The following OPCML variants were observed in gnomAD, a reference collection of about 807,000 sequenced individuals.
OPCML encodes opioid-binding protein/cell adhesion molecule.
Under a neutral mutation model 37.8 loss-of-function variants are expected in OPCML, and 13 were observed. That is an observed-to-expected ratio of 0.34 (90% confidence interval 0.22 to 0.55). The LOEUF is 0.55. Among genes scored for constraint, OPCML ranks in the 20% least tolerant of loss-of-function variants. The pLI is 0.91. For synonymous variants in OPCML, 176 were observed against 168.8 expected, an observed-to-expected ratio of 1.04 and a Z score of -0.33; for missense variants, 341 against 435.6, an observed-to-expected ratio of 0.78 and a Z score of 1.93.
chr11:132,564,823 C>A (rs561218986), intron 3 of OPCML, among the ~76,000 whole-genome samples: 2 of 152,228 alleles, frequency 1.3e-5, no homozygotes, highest in African/African-American at 4.8e-5. Flanking sequence ...GGAGACTGGA[C>A]AAAGTCAACG....
chr11:133,275,360 C>T (rs1941963794), intron 1 of OPCML, among the ~76,000 whole-genome samples: 1 of 152,126 alleles, frequency 6.6e-6, no homozygotes, highest in Non-Finnish European at 1.5e-5. Flanking sequence ...GTGTCTACTT[C>T]TTCTCATCAT....
chr11:133,072,749 G>A (rs1948557943), intron 1 of OPCML, among the ~76,000 whole-genome samples: 2 of 152,240 alleles, frequency 1.3e-5, no homozygotes, highest in Non-Finnish European at 2.9e-5. Flanking sequence ...AGGTGTCCTG[G>A]TGGGCTTGGA....
intron 2 of OPCML, among the ~76,000 whole-genome samples, chr11:132,727,231 G>A (rs952205291): frequency 2.6e-5 from 4 of 151,810 alleles, no homozygotes; most frequent in East Asian, 1.9e-4. Flanking sequence ...CTGAGGTCAC[G>A]TGGTTAGGTA....
intron 1 of OPCML, among the ~76,000 whole-genome samples, chr11:133,192,076 A>C (rs1165470240): frequency 6.6e-6 from 1 of 152,190 alleles, no homozygotes; most frequent in East Asian, 1.9e-4. Flanking sequence ...GTGCAGGGTA[A>C]ATGCTCAATA....
In OPCML at chr11:132,942,798, C is replaced by T. The variant is rs1945625489; in HGVS notation, c.146+128G>A. 2.5e-5 allele frequency: 30 copies of T among 1,202,544 alleles called. 1 individual carries two copies. The South Asian group carries it at 3.8e-4, about 15-fold the overall frequency. 74.5% of individuals were successfully genotyped at this position (1,202,544 alleles called of 1,614,324 possible). On this transcript the variant is annotated intron_variant, in intron 2 of 7. Transcript: ENST00000524381. The stretch of plus-strand genomic sequence containing the variant: ...GTCGGCACGGCAGCACGCAAGCGGG[C>T]GCCCCTCGGGCCTGCACAAGGCCCA...
In OPCML at chr11:133,208,463, G is replaced by A. The variant is rs1327919621; in HGVS notation, c.62-265453C>T. ...CAGAGTAAATCATTAAATTTCTCTT[G>A]ATCTCTCAATTTTTGCATGAATAGA... On this transcript the variant is annotated intron_variant, in intron 1 of 7. Transcript: ENST00000524381. This position sits in a 1 kb window ranked among gnomAD's most constrained non-coding sequence, Gnocchi z 8.9. 1.3e-5 allele frequency among the ~76,000 whole-genome samples: 2 copies of A among 152,100 alleles called. No homozygotes were observed. Among genetic ancestry groups the A allele is most frequent in the Non-Finnish European group, 2.9e-5 (2 of 68,032 alleles).
At chr11:132,806,584 A>C (rs1939025994) in intron 2 of OPCML, among the ~76,000 whole-genome samples, 1 of 152,144 alleles carries the variant, frequency 6.6e-6, no homozygotes, top group Non-Finnish European at 1.5e-5. Context: ...TTCACCTAGT[A>C]ACAGAGTATC....
In OPCML at chr11:133,211,744, A is replaced by G. The variant is rs1056304525; in HGVS notation, c.62-268734T>C. 1.3e-5 allele frequency among the ~76,000 whole-genome samples: 2 copies of G among 152,218 alleles called. No homozygotes were observed. Among genetic ancestry groups the G allele is most frequent in the African/African-American group, 4.8e-5 (2 of 41,448 alleles). On this transcript the variant is annotated intron_variant, in intron 1 of 7. Coordinates refer to ENST00000524381, the MANE Select transcript of OPCML (RefSeq NM_001012393.5). This position sits in a 1 kb window ranked among gnomAD's most constrained non-coding sequence, Gnocchi z 4.1. ...TAAATCATCGTGAGCATCATCATTT[A>G]TTATACCATCACCATTATCACAACA...
chr11:133,481,012 C>A (rs1947360173), intron 1 of OPCML, among the ~76,000 whole-genome samples: 1 of 152,198 alleles, frequency 6.6e-6, no homozygotes, highest in Non-Finnish European at 1.5e-5. Flanking sequence ...GGCCCAGGCA[C>A]TTGGGGGCTC....
In OPCML at chr11:132,581,970, A is replaced by G. The variant is rs1281489857; in HGVS notation, c.380-52784T>C. On this transcript the variant is annotated intron_variant, in intron 3 of 7. Coordinates refer to ENST00000524381, the MANE Select transcript of OPCML (RefSeq NM_001012393.5). ...GGGTAGAGTTGTAAACAGTCAACCC[A>G]AGAACTGCAGCCCCCAGTGAAACAA... Among the ~76,000 whole-genome samples the G allele has an allele frequency of 2.0e-5, 3 of 152,134 alleles. No homozygotes were observed. The East Asian group carries it at 5.8e-4, about 29-fold the overall frequency.
intron 2 of OPCML, among the ~76,000 whole-genome samples, chr11:132,789,121 G>GGT (rs1555189180): frequency 6.6e-6 from 1 of 152,136 alleles, no homozygotes; most frequent in Non-Finnish European, 1.5e-5. Flanking sequence ...TCACTTCAGA[G>GGT]AAGCTTTCTC....
chr11:132,763,163 A>G (rs768270172), intron 2 of OPCML, among the ~76,000 whole-genome samples: 4 of 152,040 alleles, frequency 2.6e-5, no homozygotes, highest in Non-Finnish European at 5.9e-5. Flanking sequence ...AACCAGTCCC[A>G]ATGAGATGAA....
At chr11:132,511,859 T>C (rs928941788) in intron 4 of OPCML, among the ~76,000 whole-genome samples, 26 of 95,420 alleles carry the variant, frequency 2.7e-4, no homozygotes, top group African/African-American at 9.1e-4. Flanking sequence ...TATTGATAAA[T>C]TGGACTTCAT....
At chr11:132,638,163 CTATATATAT>C (rs1272616124) in intron 3 of OPCML, among the ~76,000 whole-genome samples, 3 of 128,192 alleles carry the variant, frequency 2.3e-5, no homozygotes, top group African/African-American at 8.1e-5. Context: ...TATATACAGA[CTATATATAT>C]ATATATATAT....
intron 1 of OPCML, among the ~76,000 whole-genome samples, chr11:133,093,142 G>A (rs1334605972): frequency 1.3e-5 from 2 of 151,938 alleles, no homozygotes; most frequent in Admixed American, 6.6e-5. Flanking sequence ...TTCTTTAGTG[G>A]TGATTTGTGA....
intron 2 of OPCML, among the ~76,000 whole-genome samples, chr11:132,723,779 G>T (rs1448057049): frequency 6.6e-6 from 1 of 152,318 alleles, no homozygotes; most frequent in African/African-American, 2.4e-5. Context: ...TGGGCTTAGA[G>T]TTTCTAAGGT....
chr11:133,034,223 G>A (rs79037004), intron 1 of OPCML, among the ~76,000 whole-genome samples: 15,731 of 151,754 alleles, frequency 0.1, 1,283 homozygotes, highest in East Asian at 0.3. Flanking sequence ...CTTCTCTATG[G>A]GGCAGTAGAT....
intron 1 of OPCML, among the ~76,000 whole-genome samples, chr11:133,476,713 A>C (rs1947248051): frequency 6.6e-6 from 1 of 152,178 alleles, no homozygotes; most frequent in Non-Finnish European, 1.5e-5. Flanking sequence ...GGTGATGATT[A>C]ATACCAGGAG....
chr11:133,297,225 G>A (rs1322292098), intron 1 of OPCML: 1 of 152,126 alleles, frequency 6.6e-6, no homozygotes, highest in Non-Finnish European at 1.5e-5. Context: ...TAGAGAATAA[G>A]GTGGGTTAGA....
Sources: gnomAD v4.1 joint callset for allele counts (sites outside exome capture counted in the v4.1 genomes callset) on GRCh38, gnomAD v4.1.1 for gene constraint, Gnocchi (gnomAD v3.1) non-coding constraint, MANE v1.5 for transcripts, NCBI Gene and HGNC (gene_info 2026-07-23, HGNC 2026-07-21) for gene names.